The following SYN3 variants were observed in gnomAD, a reference collection of about 807,000 sequenced individuals.
SYN3 encodes synapsin III, also known as synapsin-3.
In SYN3, 35 loss-of-function variants were observed where a neutral mutation model predicts 65.8. That is an observed-to-expected ratio of 0.53 (90% CI 0.41 to 0.70). The LOEUF (loss-of-function observed/expected upper bound fraction) is 0.70, where lower values mean the gene tolerates loss of function less well. Ranked by LOEUF, SYN3 falls within the 30% of genes least tolerant of loss-of-function variation. The pLI is 0.00. For synonymous variants in SYN3, 270 were observed against 292.9 expected, an observed-to-expected ratio of 0.92 and a Z score of 0.80; for missense variants, 680 against 749.0, an observed-to-expected ratio of 0.91 and a Z score of 1.08.
chr22:32,688,172 G>A (rs1601916138), intron 6 of SYN3, among the ~76,000 whole-genome samples: 1 of 152,202 alleles, frequency 6.6e-6, no homozygotes, highest in Non-Finnish European at 1.5e-5. Flanking sequence ...ATGTCCAGTG[G>A]TACCTTCAAC....
chr22:32,709,322 A>C (rs943509519), intron 6 of SYN3, among the ~76,000 whole-genome samples: 4 of 152,246 alleles, frequency 2.6e-5, no homozygotes, highest in African/African-American at 9.6e-5. Flanking sequence ...CCAATGGCTC[A>C]AATGGCTGAA....
At chr22:32,658,132 T>C (rs1796165487) in intron 6 of SYN3, among the ~76,000 whole-genome samples, 2 of 152,094 alleles carry the variant, frequency 1.3e-5, no homozygotes, top group African/African-American at 4.8e-5. Context: ...GGAGGAGACC[T>C]CTCCATTCTT....
intron 6 of SYN3, among the ~76,000 whole-genome samples, chr22:32,702,347 G>A (rs915330060): frequency 2.0e-5 from 3 of 152,082 alleles, no homozygotes; most frequent in Non-Finnish European, 4.4e-5. Context: ...GCGTGGTGGC[G>A]GGTGCCTGTA....
At chr22:32,522,558 T>C (rs2057903857) in intron 12 of SYN3, among the ~76,000 whole-genome samples, 1 of 152,154 alleles carries the variant, frequency 6.6e-6, no homozygotes, top group East Asian at 1.9e-4. Flanking sequence ...TATAGAATTC[T>C]TGCTGGGTAA....
intron 6 of SYN3, chr22:32,629,868 C>T (rs1275575880): frequency 1.3e-5 from 2 of 150,366 alleles, no homozygotes; most frequent in Non-Finnish European, 3.0e-5. Flanking sequence ...GAGGGTGAGA[C>T]CTGAAAATTA....
chr22:32,757,152 G>C (rs1379156623), intron 6 of SYN3, among the ~76,000 whole-genome samples: 1 of 151,628 alleles, frequency 6.6e-6, no homozygotes, highest in Non-Finnish European at 1.5e-5. Context: ...TTTTGCTTTT[G>C]CTTCCTGTTC....
intron 6 of SYN3, among the ~76,000 whole-genome samples, chr22:32,650,211 T>C (rs974503646): frequency 7.5e-6 from 1 of 133,778 alleles, no homozygotes; most frequent in African/African-American, 3.3e-5. Flanking sequence ...CTTTACACTT[T>C]TCTTTCTCTC....
At chr22:32,636,808 A>G (rs2059823515) in intron 6 of SYN3, among the ~76,000 whole-genome samples, 1 of 152,244 alleles carries the variant, frequency 6.6e-6, no homozygotes, top group Non-Finnish European at 1.5e-5. Flanking sequence ...TGATCCTGCA[A>G]TAGTCGCTCA....
intron 2 of SYN3, among the ~76,000 whole-genome samples, chr22:33,004,266 C>T (rs968579665): frequency 3.3e-5 from 5 of 152,130 alleles, no homozygotes; most frequent in Non-Finnish European, 7.4e-5. Context: ...CTTCCAGACC[C>T]CAGAATGGTA....
At chr22:32,764,652 T>TG (rs986833816) in intron 6 of SYN3, among the ~76,000 whole-genome samples, 27 of 152,298 alleles carry the variant, frequency 1.8e-4, no homozygotes, top group African/African-American at 6.5e-4. Context: ...TATCCCAAAC[T>TG]GGGGGAAGTC....
chr22:32,541,607 C>G lies in SYN3; in HGVS notation c.881G>C (p.Arg294Pro). Residue 294 changes from arginine to proline, a missense_variant, in exon 8 of 14, where the codon CGC becomes CCC. Coordinates refer to ENST00000358763, the MANE Select transcript of SYN3 (RefSeq NM_003490.4). The stretch of plus-strand genomic sequence containing the variant: ...GTAGTTGGATCCAATTTTCTGGATG[C>G]GGATGTCGTACTTGGAGTCGATGAA... Reference protein sequence around the residue: ...EAFIDSKYDIRIQKIGSNYKA... With the variant: ...EAFIDSKYDIPIQKIGSNYKA... The G allele has an allele frequency of 6.2e-7, 1 of 1,613,964 alleles. No homozygotes were observed. The highest frequency in any genetic ancestry group is 8.5e-7 in the Non-Finnish European group (1 of 1,179,982).
chr22:32,948,736 C>CAATAAATA (rs71187222), intron 3 of SYN3, among the ~76,000 whole-genome samples: 117,106 of 149,608 alleles, frequency 0.78, 46,501 homozygotes, highest in East Asian at 0.96. Flanking sequence ...GACTCCGTCT[C>CAATAAATA]AATAAATAAA....
chr22:32,930,934 C>T (rs1323286580), intron 4 of SYN3: 1 of 154,650 alleles, frequency 6.5e-6, no homozygotes, highest in Non-Finnish European at 1.4e-5. Context: ...ATTCTATGAA[C>T]ACTTAGTCTG....
chr22:33,031,778 C>T (rs978160509), intron 1 of SYN3, among the ~76,000 whole-genome samples: 2 of 152,086 alleles, frequency 1.3e-5, no homozygotes, highest in Non-Finnish European at 2.9e-5. Flanking sequence ...CTGGCTGCAT[C>T]CTTTCTTGGC....
chr22:32,572,640 T>C lies in SYN3; in HGVS notation c.774+24034A>G, dbSNP rs2058794724. On this transcript the variant is annotated intron_variant, in intron 7 of 13. Coordinates refer to ENST00000358763, the MANE Select transcript of SYN3 (RefSeq NM_003490.4). Reference sequence around the variant, plus strand: ...CTTTGTCACCCAGGCTGGAGTACAATGGTGCAATGATAGCTCACCGCAGCC... The same window carrying C: ...CTTTGTCACCCAGGCTGGAGTACAACGGTGCAATGATAGCTCACCGCAGCC... Among the ~76,000 whole-genome samples the C allele has an allele frequency of 2.0e-5, 3 of 151,132 alleles. 1 individual carries two copies. Among genetic ancestry groups the C allele is most frequent in the South Asian group, 4.2e-4 (2 of 4,738 alleles).
At chr22:32,991,703 G>A (rs1193125513) in intron 2 of SYN3, among the ~76,000 whole-genome samples, 1 of 152,152 alleles carries the variant, frequency 6.6e-6, no homozygotes, top group African/African-American at 2.4e-5. Context: ...CTGAGCAGCT[G>A]CACAGACAAC....
At chr22:32,780,983 T>TTCCTTCCTTCCTTTCC (rs747486689) in intron 6 of SYN3, among the ~76,000 whole-genome samples, 1 of 78,136 alleles carries the variant, frequency 1.3e-5, no homozygotes, top group Non-Finnish European at 2.7e-5. Context: ...CCTTCCCTCC[T>TTCCTTCCTTCCTTTCC]TCCTTCCTCT....
intron 6 of SYN3, among the ~76,000 whole-genome samples, chr22:32,649,487 T>G (rs2060031010): frequency 6.6e-6 from 1 of 152,198 alleles, no homozygotes; most frequent in Non-Finnish European, 1.5e-5. Context: ...ATTGAGACTT[T>G]GAGAAAGCCC....
At chr22:32,820,599 C>A in intron 6 of SYN3, among the ~76,000 whole-genome samples, 1 of 152,188 alleles carries the variant, frequency 6.6e-6, no homozygotes, top group Non-Finnish European at 1.5e-5. Context: ...TTAGTTGGCA[C>A]ATCTTGCTTC....
Sources: gnomAD v4.1 joint callset for allele counts (sites outside exome capture counted in the v4.1 genomes callset) on GRCh38, gnomAD v4.1.1 for gene constraint, MANE v1.5 for transcripts, NCBI Gene and HGNC (gene_info 2026-07-23, HGNC 2026-07-21) for gene names.